ANKS1B: variants seen among roughly 807,000 people sequenced by gnomAD.
ANKS1B encodes ankyrin repeat and sterile alpha motif domain containing 1B.
In ANKS1B, 36 loss-of-function variants were observed where a neutral mutation model predicts 148.3. That is an observed-to-expected ratio of 0.24 (90% confidence interval 0.19 to 0.32). The LOEUF (loss-of-function observed/expected upper bound fraction) is 0.32. Ranked by LOEUF, ANKS1B falls within the 10% of genes least tolerant of loss-of-function variation. The pLI is 1.00. For missense variants in ANKS1B, 1,157 were observed against 1,542.6 expected, an observed-to-expected ratio of 0.75 and a Z score of 4.19; for synonymous variants, 542 against 560.8, an observed-to-expected ratio of 0.97 and a Z score of 0.47.
At chr12:99,719,735 G>A (rs1341231449) in intron 8 of ANKS1B, among the ~76,000 whole-genome samples, 2 of 152,102 alleles carry the variant, frequency 1.3e-5, no homozygotes, top group Admixed American at 1.3e-4. Context: ...TATCATTAAT[G>A]CCTCTTTAAT....
At position 98,963,770 on chromosome 12, in the gene ANKS1B, A is replaced by G. The variant is rs545046214; in HGVS notation, c.2778+89387T>C. Among the ~76,000 whole-genome samples, 4 of 152,262 alleles carry G rather than the reference A, an allele frequency of 2.6e-5. No individual in the cohort carries two copies. In the South Asian group the frequency reaches 8.3e-4, roughly 32 times the overall value. On this transcript the variant is annotated intron_variant, in intron 17 of 26. Coordinates refer to ENST00000683438, the MANE Select transcript of ANKS1B (RefSeq NM_001352186.2). ...ACGATCCACCTGACAAAGGATTAAT[A>G]ACCAGAACGTATAAGGAACCCAAGA...
chr12:99,200,027 G>A (rs898321078), intron 14 of ANKS1B, among the ~76,000 whole-genome samples: 1 of 152,190 alleles, frequency 6.6e-6, no homozygotes, highest in African/African-American at 2.4e-5. Flanking sequence ...GACTTGTTCA[G>A]GCACAGGCCA....
intron 9 of ANKS1B, among the ~76,000 whole-genome samples, chr12:99,510,345 A>G (rs2096752183): frequency 6.6e-6 from 1 of 152,012 alleles, no homozygotes. Context: ...TTGAAAACCT[A>G]GACAAGATTT....
rs11109845 is a variant in ANKS1B, at chr12:99,448,272, A to G, written c.1439-4463T>C. Among the ~76,000 whole-genome samples the G allele has an allele frequency of 2.0e-3, 297 of 152,254 alleles. 2 individuals are homozygous for G. Among genetic ancestry groups the G allele is most frequent in the African/African-American group, 7.0e-3 (292 of 41,582 alleles). On this transcript the variant is annotated intron_variant, in intron 10 of 26. Transcript: ENST00000683438. The stretch of plus-strand genomic sequence containing the variant: ...TACAGTGGAATACTATGCTGCCTTA[A>G]AAAAGAAGGGAATTCCGTTATCAGT...
Position 99,669,139 on chromosome 12 carries a change from A to G in ANKS1B, c.1129-13929T>C, listed in dbSNP as rs528505318. Among the ~76,000 whole-genome samples, 6 of 152,166 alleles carry G rather than the reference A, an allele frequency of 3.9e-5. No homozygotes were observed. The South Asian group carries it at 6.2e-4, about 16-fold the overall frequency. ...CTATTTTTATTGACTAATTTTTTGC[A>G]TGTTCATGACTTTCATTTTCCTTAT... On this transcript the variant is annotated intron_variant, in intron 8 of 26. Transcript: ENST00000683438.
chr12:99,470,698 C>T (rs1325754163), intron 10 of ANKS1B, among the ~76,000 whole-genome samples: 1 of 152,070 alleles, frequency 6.6e-6, no homozygotes, highest in East Asian at 1.9e-4. Context: ...ATATGTCTAT[C>T]ATATAAATTA....
At chr12:99,317,544 C>T (rs529486699) in intron 12 of ANKS1B, among the ~76,000 whole-genome samples, 161 of 152,304 alleles carry the variant, frequency 1.1e-3, no homozygotes, top group African/African-American at 3.7e-3. Context: ...AGTTGCTTAT[C>T]AGCTTAAGGA....
In ANKS1B at chr12:98,957,670, G is replaced by T. The variant is rs11109685; in HGVS notation, c.2778+95487C>A. 3.3e-5 allele frequency among the ~76,000 whole-genome samples: 5 copies of T among 152,134 alleles called. No homozygotes were observed. In the South Asian group the frequency reaches 6.2e-4, roughly 19 times the overall value. ...CTTCAGGATTTTTAAATAGTAAAGCGTTAGGGGTGGTGAGCTGATTGGTAG... is the reference window on the plus strand; with the variant it reads ...CTTCAGGATTTTTAAATAGTAAAGCTTTAGGGGTGGTGAGCTGATTGGTAG... On this transcript the variant is annotated intron_variant, in intron 17 of 26. Coordinates refer to ENST00000683438, the MANE Select transcript of ANKS1B (RefSeq NM_001352186.2).
intron 9 of ANKS1B, among the ~76,000 whole-genome samples, chr12:99,515,283 G>A (rs1596191231): frequency 1.3e-5 from 2 of 151,986 alleles, no homozygotes; most frequent in South Asian, 2.1e-4. Context: ...TTCTAACTAT[G>A]TTTTGAACCA....
intron 1 of ANKS1B, among the ~76,000 whole-genome samples, chr12:99,866,814 T>C (rs1417073295): frequency 6.6e-6 from 1 of 152,142 alleles, no homozygotes; most frequent in African/African-American, 2.4e-5. Flanking sequence ...AAAAATGTAG[T>C]GATCACCTAA....
chr12:99,153,754 C>T (rs1198969255), intron 15 of ANKS1B, among the ~76,000 whole-genome samples: 1 of 152,118 alleles, frequency 6.6e-6, no homozygotes, highest in Admixed American at 6.6e-5. Flanking sequence ...GAAGTAAACG[C>T]TCTCCATAAT....
intron 17 of ANKS1B, among the ~76,000 whole-genome samples, chr12:98,878,060 T>A (rs778766586): frequency 1.3e-5 from 2 of 152,126 alleles, no homozygotes; most frequent in Non-Finnish European, 2.9e-5. Flanking sequence ...TCTAAAGGTT[T>A]AATTAAAATG....
chr12:98,805,469 G>A (rs2099043964), intron 20 of ANKS1B, among the ~76,000 whole-genome samples: 1 of 152,144 alleles, frequency 6.6e-6, no homozygotes, highest in Non-Finnish European at 1.5e-5. Context: ...TGTAACACAT[G>A]TTTGCAACTG....
At chr12:99,098,450 C>T (rs1031496040) in intron 15 of ANKS1B, among the ~76,000 whole-genome samples, 5 of 152,094 alleles carry the variant, frequency 3.3e-5, no homozygotes, top group African/African-American at 1.2e-4. Flanking sequence ...TACAGCTCTG[C>T]ACTTTAATAG....
rs116307091 is a variant in ANKS1B at position 99,807,302 on chromosome 12, C to G, written c.373-602G>C. On this transcript the variant is annotated intron_variant, in intron 3 of 26. Coordinates refer to ENST00000683438, the MANE Select transcript of ANKS1B (RefSeq NM_001352186.2). ...GGATGGACCTAGATCAGTTCCCAGA[C>G]AAGTTACTAGGAGTATCACAGTACA... Among the ~76,000 whole-genome samples the G allele has an allele frequency of 9.2e-3, 1,400 of 152,234 alleles. 16 individuals are homozygous for G. The highest frequency in any genetic ancestry group is 0.032 in the African/African-American group (1,319 of 41,550).
intron 1 of ANKS1B, among the ~76,000 whole-genome samples, chr12:99,964,449 A>C (rs2095459408): frequency 6.6e-6 from 1 of 152,094 alleles, no homozygotes; most frequent in Non-Finnish European, 1.5e-5. Flanking sequence ...CAGTTCCTAC[A>C]CTATTAAGTA....
intron 1 of ANKS1B, among the ~76,000 whole-genome samples, chr12:99,967,907 CAAAAA>C (rs71436975): frequency 9.4e-6 from 1 of 106,880 alleles, no homozygotes; most frequent in Admixed American, 1.0e-4. Flanking sequence ...AACTCCGTCT[CAAAAA>C]AAAAAAAAAA....
In ANKS1B at chr12:99,419,666, G is replaced by A. The variant is rs373517948; in HGVS notation, c.1576-19855C>T. ...TTTTTAACTTCTCAAAGGTCATTCTGCTTTCTAATTCTTGTTTTTAGAGAT... is the reference window on the plus strand; with the variant it reads ...TTTTTAACTTCTCAAAGGTCATTCTACTTTCTAATTCTTGTTTTTAGAGAT... On this transcript the variant is annotated intron_variant, in intron 11 of 26. Transcript: ENST00000683438. Among the ~76,000 whole-genome samples the A allele has an allele frequency of 9.5e-4, 144 of 152,122 alleles. 1 individual carries two copies. In the South Asian group the frequency reaches 0.016, roughly 17 times the overall value.
chr12:98,899,751 C>T (rs566149412), intron 17 of ANKS1B, among the ~76,000 whole-genome samples: 192 of 152,334 alleles, frequency 1.3e-3, no homozygotes, highest in African/African-American at 4.0e-3. Flanking sequence ...CCAACTAACA[C>T]ACCATGTAAA....
Sources: gnomAD v4.1 joint callset for allele counts (sites outside exome capture counted in the v4.1 genomes callset) on GRCh38, gnomAD v4.1.1 for gene constraint, MANE v1.5 for transcripts, NCBI Gene and HGNC (gene_info 2026-07-23, HGNC 2026-07-21) for gene names.